GRM5: variants seen among roughly 807,000 people sequenced by gnomAD.
GRM5 encodes the protein glutamate metabotropic receptor 5.
A neutral mutation model predicts 83.1 loss-of-function variants in GRM5; 19 were observed. The ratio of observed to expected loss-of-function variants is 0.23; its 90% confidence interval spans 0.16 to 0.34. GRM5 has a LOEUF of 0.34. GRM5 is among the 10% of genes least tolerant of loss of function. The pLI is 1.00. For missense variants in GRM5, 1,160 were observed against 1,588.3 expected, an observed-to-expected ratio of 0.73 and a Z score of 4.58; for synonymous variants, 675 against 633.6, an observed-to-expected ratio of 1.07 and a Z score of -0.98.
chr11:88,690,668 G>A (rs78112367), intron 3 of GRM5, among the ~76,000 whole-genome samples: 21 of 152,104 alleles, frequency 1.4e-4, no homozygotes, highest in African/African-American at 5.1e-4. Flanking sequence ...GAATGACAAG[G>A]TCCCTCCCCT....
At chr11:88,557,751 C>CTTTTTTTTTT (rs566146634) in intron 8 of GRM5, among the ~76,000 whole-genome samples, 1 of 136,618 alleles carries the variant, frequency 7.3e-6, no homozygotes. Context: ...CTTAATCATC[C>CTTTTTTTTTT]TTTTTTTTTT....
intron 3 of GRM5, among the ~76,000 whole-genome samples, chr11:88,723,994 T>A (rs904516761): frequency 6.6e-6 from 1 of 152,192 alleles, no homozygotes; most frequent in Non-Finnish European, 1.5e-5. Context: ...AACATTATAC[T>A]CAATAGGTAC....
rs530810547 is a variant in GRM5 at position 88,702,351 on chromosome 11, T to C, written c.912-48948A>G. ...CAGCTCAAGAGTTTCAAATGGTCAG[T>C]GAAAGATCTCTGTTGCAACTGCCTC... On this transcript the variant is annotated intron_variant, in intron 3 of 9. Coordinates refer to ENST00000305447, the MANE Select transcript of GRM5 (RefSeq NM_001143831.3). Among the ~76,000 whole-genome samples, 3 of 152,202 alleles carry C rather than the reference T, an allele frequency of 2.0e-5. No homozygotes were observed. The East Asian group carries it at 5.8e-4, about 29-fold the overall frequency.
At chr11:89,036,430 C>A (rs751181556) in intron 2 of GRM5, among the ~76,000 whole-genome samples, 1 of 152,016 alleles carries the variant, frequency 6.6e-6, no homozygotes, top group Non-Finnish European at 1.5e-5. Flanking sequence ...ATTGAAACAT[C>A]ATTTATGGTT....
intron 3 of GRM5, among the ~76,000 whole-genome samples, chr11:88,669,492 A>T (rs1020511001): frequency 6.6e-6 from 1 of 152,102 alleles, no homozygotes; most frequent in Non-Finnish European, 1.5e-5. Context: ...AAAGAAAAGA[A>T]ATAAAAAGGA....
intron 3 of GRM5, among the ~76,000 whole-genome samples, chr11:88,699,472 A>G (rs1940977853): frequency 6.6e-6 from 1 of 152,062 alleles, no homozygotes; most frequent in African/African-American, 2.4e-5. Flanking sequence ...GGCTGCCAGG[A>G]GTGTTGATTG....
At chr11:88,916,940 G>T (rs552090357) in intron 2 of GRM5, among the ~76,000 whole-genome samples, 1 of 152,132 alleles carries the variant, frequency 6.6e-6, no homozygotes, top group African/African-American at 2.4e-5. Flanking sequence ...AGACCTAGGC[G>T]TGGCAGGATT....
chr11:88,934,452 G>T (rs1937825038), intron 2 of GRM5, among the ~76,000 whole-genome samples: 1 of 151,728 alleles, frequency 6.6e-6, no homozygotes, highest in African/African-American at 2.4e-5. Context: ...ATTTGCACCA[G>T]GTGAGGGTTA....
At chr11:88,892,175 CA>C (rs1945156828) in intron 2 of GRM5, among the ~76,000 whole-genome samples, 1 of 108,302 alleles carries the variant, frequency 9.2e-6, no homozygotes, top group Non-Finnish European at 1.9e-5. Flanking sequence ...TTTTTTTTTT[CA>C]ATAAGACACA....
At chr11:88,524,783 A>G (rs921436283) in intron 9 of GRM5, among the ~76,000 whole-genome samples, 4 of 152,338 alleles carry the variant, frequency 2.6e-5, no homozygotes, top group South Asian at 4.1e-4. Context: ...ACTTGTCTCT[A>G]CAGTCCACTA....
At chr11:88,733,383 A>T (rs5008227) in intron 3 of GRM5, among the ~76,000 whole-genome samples, 1 of 151,912 alleles carries the variant, frequency 6.6e-6, no homozygotes, top group South Asian at 2.1e-4. Flanking sequence ...ATAATTTTTC[A>T]AGTTTATATA....
At chr11:88,701,603 T>C (rs7479186) in intron 3 of GRM5, among the ~76,000 whole-genome samples, 120,235 of 152,102 alleles carry the variant, frequency 0.79, 51,113 homozygotes, top group Non-Finnish European at 0.96. Flanking sequence ...CTAGTACAGA[T>C]AGTTAGGTCA....
At chr11:88,844,357 T>TACACACACACAC (rs3031469) in intron 3 of GRM5, among the ~76,000 whole-genome samples, 1 of 146,110 alleles carries the variant, frequency 6.8e-6, no homozygotes, top group Admixed American at 6.8e-5. Flanking sequence ...TCAGAATTAC[T>TACACACACACAC]ACACACACAC....
intron 3 of GRM5, among the ~76,000 whole-genome samples, chr11:88,742,450 T>A (rs1591481476): frequency 6.6e-6 from 1 of 151,560 alleles, no homozygotes; most frequent in Non-Finnish European, 1.5e-5. Context: ...CACTAGGGAG[T>A]GGAGTCAAAT....
At chr11:88,947,049 G>A (rs11021684) in intron 2 of GRM5, among the ~76,000 whole-genome samples, 3,398 of 152,088 alleles carry the variant, frequency 0.022, 77 homozygotes, top group East Asian at 0.097. Context: ...CTTTAAAAAT[G>A]GATTGAACAT....
intron 3 of GRM5, among the ~76,000 whole-genome samples, chr11:88,832,563 G>T (rs914082360): frequency 1.3e-5 from 2 of 151,908 alleles, no homozygotes; most frequent in Non-Finnish European, 2.9e-5. Flanking sequence ...CAGATTCCAT[G>T]TAATTCCTTT....
At chr11:88,835,457 C>T (rs1463118184) in intron 3 of GRM5, among the ~76,000 whole-genome samples, 1 of 152,180 alleles carries the variant, frequency 6.6e-6, no homozygotes, top group East Asian at 1.9e-4. Context: ...ATTGGATCCA[C>T]ATCTTACTAG....
At chr11:88,774,244 C>T (rs181449508) in intron 3 of GRM5, among the ~76,000 whole-genome samples, 2 of 139,838 alleles carry the variant, frequency 1.4e-5, no homozygotes, top group Non-Finnish European at 3.0e-5. Flanking sequence ...CATGATTTGG[C>T]TCTCTGTTTG....
At chr11:88,550,611 T>C (rs1286282283) in intron 8 of GRM5, among the ~76,000 whole-genome samples, 3 of 152,112 alleles carry the variant, frequency 2.0e-5, no homozygotes, top group Non-Finnish European at 4.4e-5. Flanking sequence ...AGATGAGTAC[T>C]TCAGACAGTG....
Sources: gnomAD v4.1 joint callset for allele counts (sites outside exome capture counted in the v4.1 genomes callset) on GRCh38, gnomAD v4.1.1 for gene constraint, MANE v1.5 for transcripts, NCBI Gene and HGNC (gene_info 2026-07-23, HGNC 2026-07-21) for gene names.